Variants in IDE observed in about 807,000 individuals in gnomAD.
The protein encoded by IDE is insulin-degrading enzyme.
A neutral mutation model predicts 133.2 loss-of-function variants in IDE; 58 were observed. That is an observed-to-expected ratio of 0.44 (90% CI 0.35 to 0.54). The LOEUF (loss-of-function observed/expected upper bound fraction) is 0.54. IDE is among the 20% of genes least tolerant of loss of function. The pLI, the probability that IDE is intolerant of heterozygous loss-of-function variation, is 0.00. For synonymous variants in IDE, 396 were observed against 421.3 expected, an observed-to-expected ratio of 0.94 and a Z score of 0.73; for missense variants, 981 against 1,234.0, an observed-to-expected ratio of 0.79 and a Z score of 3.07.
intron 1 of IDE, 42 bp from the exon 2 acceptor site, chr10:92,537,592 T>C (rs756994538): frequency 2.1e-6 from 3 of 1,413,062 alleles, no homozygotes; most frequent in South Asian, 2.5e-5. Flanking sequence ...TGTGACTTTA[T>C]ATTTAAGGAC....
At chr10:92,563,791 T>A (rs1310701335) in intron 1 of IDE, among the ~76,000 whole-genome samples, 1 of 151,186 alleles carries the variant, frequency 6.6e-6, no homozygotes, top group Non-Finnish European at 1.5e-5. Flanking sequence ...GAAAAGCAAA[T>A]CTTTAAGTTC....
intron 11 of IDE, among the ~76,000 whole-genome samples, chr10:92,491,957 TC>T (rs1253372944): frequency 6.6e-6 from 1 of 151,226 alleles, no homozygotes; most frequent in African/African-American, 2.4e-5. Flanking sequence ...AGAAGAGAAG[TC>T]AGATGGAAAA....
chr10:92,526,209 A>G (rs1293696442), intron 4 of IDE, among the ~76,000 whole-genome samples: 1 of 151,930 alleles, frequency 6.6e-6, no homozygotes, highest in Non-Finnish European at 1.5e-5. Context: ...TAAAATACTA[A>G]TAAGAGAAAT....
rs1844789673 is a variant in IDE, at chr10:92,452,433, T to C, written c.*2011A>G. The stretch of plus-strand genomic sequence containing the variant: ...ACTGCGTAAACTGCAGTATCTGGGG[T>C]AGTCTGTTATTGCTCATGGACTGCA... On this transcript the variant is annotated 3_prime_UTR_variant, in exon 25 of 25. Coordinates refer to ENST00000265986, the MANE Select transcript of IDE (RefSeq NM_004969.4). 1 of 152,182 alleles carries C rather than the reference T, an allele frequency of 6.6e-6. No homozygotes were observed. The highest frequency in any genetic ancestry group is 2.4e-5 in the African/African-American group (1 of 41,450). 9.4% of individuals were successfully genotyped at this position (152,182 alleles called of 1,614,324 possible).
rs1332172618 is a variant in IDE at position 92,511,284 on chromosome 10, A to G, written c.785-1122T>C. On this transcript the variant is annotated intron_variant, in intron 5 of 24. Transcript: ENST00000265986. ...ACCCTGTTAGTTTTTTGTATTTTTA[A>G]TAGAGACAGGGTTTCACCATGTTGC... Among the ~76,000 whole-genome samples, 8 of 151,636 alleles carry G rather than the reference A, an allele frequency of 5.3e-5. No individual in the cohort carries two copies. The South Asian group carries it at 1.5e-3, about 28-fold the overall frequency.
intron 11 of IDE, among the ~76,000 whole-genome samples, chr10:92,504,184 A>G (rs1258039133): frequency 6.6e-6 from 1 of 152,212 alleles, no homozygotes; most frequent in Non-Finnish European, 1.5e-5. Flanking sequence ...TCATTCAATT[A>G]TATTCCCTCT....
intron 1 of IDE, among the ~76,000 whole-genome samples, chr10:92,538,585 C>T (rs545692951): frequency 4.0e-4 from 61 of 152,312 alleles, no homozygotes; most frequent in Admixed American, 1.8e-3. Context: ...CAAAGGGCTT[C>T]CTCTGACAGT....
chr10:92,466,667 G>GAGTGC (rs1376696148), intron 19 of IDE, among the ~76,000 whole-genome samples: 6 of 150,066 alleles, frequency 4.0e-5, no homozygotes, highest in African/African-American at 1.5e-4. Context: ...ACCCAGGCTG[G>GAGTGC]AGTGCAGTGG....
At chr10:92,493,674 G>A (rs1351509259) in intron 11 of IDE, among the ~76,000 whole-genome samples, 1 of 152,052 alleles carries the variant, frequency 6.6e-6, no homozygotes, top group Non-Finnish European at 1.5e-5. Context: ...TGAGGTGTAT[G>A]GGTAACATTT....
At chr10:92,487,529 CAT>C (rs906019304) in intron 12 of IDE, among the ~76,000 whole-genome samples, 3 of 152,268 alleles carry the variant, frequency 2.0e-5, no homozygotes, top group African/African-American at 7.2e-5. Context: ...ATTTTGCACT[CAT>C]ATATCTACTC....
intron 1 of IDE, among the ~76,000 whole-genome samples, chr10:92,568,434 TAAAC>T (rs1477127342): frequency 2.6e-5 from 4 of 152,142 alleles, no homozygotes; most frequent in Non-Finnish European, 4.4e-5. Context: ...AAAACTAAAA[TAAAC>T]AATAAAACTA....
At chr10:92,490,307 G>C (rs760983842) in intron 12 of IDE, among the ~76,000 whole-genome samples, 186 bp downstream of exon 12, 21 of 152,228 alleles carry the variant, frequency 1.4e-4, no homozygotes, top group Non-Finnish European at 2.8e-4. Context: ...GGTGGCTAGA[G>C]TACCATGTCT....
At chr10:92,543,212 T>C (rs1392977880) in intron 1 of IDE, among the ~76,000 whole-genome samples, 2 of 152,150 alleles carry the variant, frequency 1.3e-5, no homozygotes, top group African/African-American at 4.8e-5. Context: ...CCTATAGCAC[T>C]CATGCATGTG....
Position 92,510,110 on chromosome 10 carries a change from C to A in IDE, c.837G>T (p.Glu279Asp). The A allele has an allele frequency of 6.2e-7, 1 of 1,605,862 alleles. No individual in the cohort carries two copies. The highest frequency in any genetic ancestry group is 8.5e-7 in the Non-Finnish European group (1 of 1,173,976). The part of the protein sequence containing the change: ...NLVVKLFSEV[E>D]NKNVPLPEFP... ...ATTCTGGCAATGGAACATTTTTGTTCTCTACTTCAGAAAATAACTTTACCA... is the reference window on the plus strand; with the variant it reads ...ATTCTGGCAATGGAACATTTTTGTTATCTACTTCAGAAAATAACTTTACCA... The change falls in exon 6 of 25, where the codon GAG becomes GAT. Residue 279 changes from glutamate (E) to aspartate (D), a missense_variant. Transcript: ENST00000265986.
intron 1 of IDE, among the ~76,000 whole-genome samples, chr10:92,560,964 T>C (rs1843252281): frequency 6.6e-6 from 1 of 150,568 alleles, no homozygotes; most frequent in Non-Finnish European, 1.5e-5. Flanking sequence ...CCGGGTGTGG[T>C]GGCTCAGGCT....
intron 21 of IDE, among the ~76,000 whole-genome samples, chr10:92,462,985 C>G (rs1054908969): frequency 2.6e-5 from 4 of 152,132 alleles, no homozygotes; most frequent in African/African-American, 7.2e-5. Context: ...TCGCTTGAGC[C>G]TAGGAATTCA....
intron 1 of IDE, among the ~76,000 whole-genome samples, chr10:92,553,423 CAAA>C (rs202176632): frequency 4.9e-5 from 5 of 101,246 alleles, no homozygotes; most frequent in Non-Finnish European, 4.2e-5. Context: ...GACTCTGTCT[CAAA>C]AAAAAAAAAA....
intron 11 of IDE, among the ~76,000 whole-genome samples, chr10:92,499,177 T>C (rs1225901698): frequency 1.3e-5 from 2 of 152,068 alleles, no homozygotes; most frequent in Non-Finnish European, 2.9e-5. Context: ...AAGTCCATTT[T>C]ATTGGTGGTT....
intron 7 of IDE, 94 bp downstream of exon 7, chr10:92,508,634 C>A (rs1455950203): frequency 2.9e-5 from 34 of 1,160,762 alleles, no homozygotes; most frequent in Middle Eastern, 2.0e-4. Flanking sequence ...TCACATCTAA[C>A]AATGTTCCTT....
Sources: gnomAD v4.1 joint callset for allele counts (sites outside exome capture counted in the v4.1 genomes callset) on GRCh38, gnomAD v4.1.1 for gene constraint, MANE v1.5 for transcripts, NCBI Gene and HGNC (gene_info 2026-07-23, HGNC 2026-07-21) for gene names.